CINP: variants seen among roughly 807,000 people sequenced by gnomAD.
CINP encodes the protein cyclin-dependent kinase 2-interacting protein.
In CINP, 11 loss-of-function variants were observed where a neutral mutation model predicts 20.5. The observed-to-expected ratio is 0.54, with a 90% CI of 0.34 to 0.89. The LOEUF is 0.89. Among genes scored for constraint, CINP ranks in the 40% least tolerant of loss-of-function variants. The probability of loss-of-function intolerance (pLI) is 0.02; values close to 1 mark genes in which losing one functional copy is unlikely to be tolerated. For synonymous variants in CINP, 108 were observed against 102.1 expected, an observed-to-expected ratio of 1.06 and a Z score of -0.35; for missense variants, 213 against 251.0, an observed-to-expected ratio of 0.85 and a Z score of 1.02.
At chr14:102,357,088 C>T (rs1887013884) in intron 2 of CINP, among the ~76,000 whole-genome samples, 1 of 152,060 alleles carries the variant, frequency 6.6e-6, no homozygotes, top group African/African-American at 2.4e-5. Context: ...ATGTCAAAAG[C>T]TCAGATAAGG....
chr14:102,355,210 T>C (rs1886969694), intron 3 of CINP, among the ~76,000 whole-genome samples: 1 of 152,108 alleles, frequency 6.6e-6, no homozygotes, highest in South Asian at 2.1e-4. Context: ...TGGCTGGCCC[T>C]GGAAGCCTAA....
intron 3 of CINP, chr14:102,355,442 G>T (rs1886975691): frequency 5.1e-6 from 1 of 195,950 alleles, no homozygotes; most frequent in Non-Finnish European, 1.1e-5. Context: ...TTGAGCCCAG[G>T]AGGCGGAGTT....
intron 2 of CINP, 69 bp downstream of exon 2, chr14:102,359,350 T>G (rs1597751001): frequency 1.7e-6 from 2 of 1,175,992 alleles, no homozygotes; most frequent in Non-Finnish European, 2.3e-6. Context: ...ATTTTAAAAT[T>G]TATTCACATT....
intron 2 of CINP, among the ~76,000 whole-genome samples, chr14:102,357,160 T>C (rs1367173564): frequency 6.6e-6 from 1 of 152,048 alleles, no homozygotes; most frequent in South Asian, 2.1e-4. Flanking sequence ...GCGGGCAGAT[T>C]GCCTGAGCTC....
rs945043656 is a variant in CINP, at chr14:102,351,948, G to A, written c.307-1900C>T. 2.6e-5 allele frequency among the ~76,000 whole-genome samples: 4 copies of A among 151,984 alleles called. No individual in the cohort carries two copies. Among genetic ancestry groups the A allele is most frequent in the African/African-American group, 7.3e-5 (3 of 41,368 alleles). On this transcript the variant is annotated intron_variant, in intron 3 of 4. Coordinates refer to ENST00000216756, the MANE Select transcript of CINP (RefSeq NM_032630.3). This position sits in a 1 kb window ranked among gnomAD's most constrained non-coding sequence, Gnocchi z 4.2. ...CACCCAGGCTGGAGTGCAGTGGCGCGATCTCCGCTCACTGCAACCTCCGCC... is the reference window on the plus strand; with the variant it reads ...CACCCAGGCTGGAGTGCAGTGGCGCAATCTCCGCTCACTGCAACCTCCGCC...
At position 102,362,877 on chromosome 14, in the gene CINP, A is replaced by C; in HGVS notation, c.-26T>G. The C allele has an allele frequency of 6.2e-7, 1 of 1,613,822 alleles. No individual in the cohort carries two copies. Among genetic ancestry groups the C allele is most frequent in the Non-Finnish European group, 8.5e-7 (1 of 1,179,778 alleles). On this transcript the variant is annotated 5_prime_UTR_variant, in exon 1 of 5. Transcript: ENST00000216756. ...AAGGTCCACAGATATCCGTAGAAGG[A>C]GACGCGAAGCCCCGCCCACCCCACC...
intron 2 of CINP, among the ~76,000 whole-genome samples, chr14:102,357,192 G>A (rs577197418): frequency 3.3e-5 from 5 of 152,124 alleles, no homozygotes; most frequent in African/African-American, 1.2e-4. Flanking sequence ...ACCAGCCTGG[G>A]CAACATGTGA....
chr14:102,352,450 AAC>A (rs1886889241), intron 3 of CINP: 4 of 453,462 alleles, frequency 8.8e-6, no homozygotes, highest in South Asian at 6.2e-5. Flanking sequence ...TCCCACAGCA[AAC>A]ACAGACCACA....
rs560193804 is a variant in CINP at position 102,348,316 on chromosome 14, C to T, written c.*241G>A. 170 of 541,310 alleles carry T rather than the reference C, an allele frequency of 3.1e-4. No individual in the cohort carries two copies. The highest frequency in any genetic ancestry group is 2.8e-3 in the African/African-American group (148 of 53,176). 33.5% of individuals were successfully genotyped at this position (541,310 alleles called of 1,614,324 possible). A position where few individuals can be genotyped will look rare whatever the true frequency, so the allele number is the denominator to read the frequency against. ...GAAACTCATTGATTTTACTCTGAAG[C>T]ACCCACGAATGACAGATTCCCAGGA... On this transcript the variant is annotated 3_prime_UTR_variant, in exon 5 of 5. Transcript: ENST00000216756.
intron 2 of CINP, among the ~76,000 whole-genome samples, chr14:102,356,130 G>C (rs1886993054): frequency 6.6e-6 from 1 of 152,120 alleles, no homozygotes; most frequent in South Asian, 2.1e-4. Flanking sequence ...TCAGCCATGT[G>C]ACAGCCGGTT....
In CINP at chr14:102,355,783, G is replaced by A; in HGVS notation, c.291C>T (p.Ala97=). The A allele has an allele frequency of 5.6e-6, 9 of 1,614,004 alleles. No homozygotes were observed. The highest frequency in any genetic ancestry group is 7.6e-6 in the Non-Finnish European group (9 of 1,179,930). ...ELEKLCEELQ[A]TLDGLTKIQV... is the part of the protein sequence containing the mutation. ...TATGTCTTACCAACCCATCCAAGGT[G>A]GCCTGCAGTTCCTCACACAGCTTCT... Residue 97 remains alanine (A), a synonymous_variant, in exon 3 of 5, where the codon GCC becomes GCT. Coordinates refer to ENST00000216756, the MANE Select transcript of CINP (RefSeq NM_032630.3).
intron 3 of CINP, among the ~76,000 whole-genome samples, chr14:102,354,629 C>T (rs1453082930): frequency 6.6e-6 from 1 of 151,830 alleles, no homozygotes; most frequent in Admixed American, 6.6e-5. Context: ...TGGTGGCGCA[C>T]ACCTGCGATC....
chr14:102,349,059 C>G (rs538918888), intron 4 of CINP, among the ~76,000 whole-genome samples: 19 of 152,248 alleles, frequency 1.2e-4, no homozygotes. Context: ...TTGAGAACAG[C>G]CTAGCCATCG....
At chr14:102,350,813 T>C (rs1228738370) in intron 3 of CINP, among the ~76,000 whole-genome samples, 1 of 149,826 alleles carries the variant, frequency 6.7e-6, no homozygotes, top group Non-Finnish European at 1.5e-5. Context: ...TCTCTCTTTT[T>C]TTTTTTTTTT....
At position 102,362,875 on chromosome 14, in the gene CINP, G is replaced by A. The variant is rs376258624; in HGVS notation, c.-24C>T. 6.2e-6 allele frequency: 10 copies of A among 1,613,838 alleles called. No homozygotes were observed. In the African/African-American group the frequency reaches 6.7e-5, roughly 11 times the overall value. On this transcript the variant is annotated 5_prime_UTR_variant, in exon 1 of 5. Transcript: ENST00000216756. Reference sequence around the variant, plus strand: ...ATAAGGTCCACAGATATCCGTAGAAGGAGACGCGAAGCCCCGCCCACCCCA... The same window carrying A: ...ATAAGGTCCACAGATATCCGTAGAAAGAGACGCGAAGCCCCGCCCACCCCA...
intron 1 of CINP, among the ~76,000 whole-genome samples, chr14:102,360,649 G>A (rs928917584): frequency 2.0e-5 from 3 of 152,172 alleles, no homozygotes; most frequent in African/African-American, 7.2e-5. Flanking sequence ...GGATTGCTGA[G>A]ATTAGATAAT....
At chr14:102,362,701 C>T (rs1887197893) in intron 1 of CINP, 144 bp downstream of exon 1, 2 of 1,132,692 alleles carry the variant, frequency 1.8e-6, no homozygotes, top group Non-Finnish European at 2.6e-6. Context: ...TGCGAGGGGC[C>T]TGCGGGCTAG....
At position 102,349,919 on chromosome 14, in the gene CINP, A is replaced by C. The variant is rs1178141862; in HGVS notation, c.436T>G (p.Tyr146Asp). 10 of 1,613,628 alleles carry C rather than the reference A, an allele frequency of 6.2e-6. No homozygotes were observed. In the Admixed American group the frequency reaches 1.7e-4, roughly 27 times the overall value. ...AATCAACTGAGAAGGAACTACTTACAGAAATGGGTTGTAGGCCACGTGTGG... is the reference window on the plus strand; with the variant it reads ...AATCAACTGAGAAGGAACTACTTACCGAAATGGGTTGTAGGCCACGTGTGG... ...LFHTWPTTHF[Y>D]EVSHKLLEMY... The change falls in exon 4 of 5, where the codon TAT becomes GAT. Residue 146 changes from tyrosine (Y) to aspartate (D), a missense_variant and splice_region_variant. Transcript: ENST00000216756.
chr14:102,362,156 C>G (rs573321473), intron 1 of CINP, among the ~76,000 whole-genome samples: 1 of 152,270 alleles, frequency 6.6e-6, no homozygotes, highest in South Asian at 2.1e-4. Context: ...AGGGCAGGAT[C>G]ACATCTGATT....
Sources: gnomAD v4.1 joint callset for allele counts (sites outside exome capture counted in the v4.1 genomes callset) on GRCh38, gnomAD v4.1.1 for gene constraint, Gnocchi (gnomAD v3.1) non-coding constraint, MANE v1.5 for transcripts, NCBI Gene and HGNC (gene_info 2026-07-23, HGNC 2026-07-21) for gene names.